SLC1A7: variants seen among roughly 807,000 people sequenced by gnomAD.
SLC1A7 encodes the protein excitatory amino acid transporter 5.
In SLC1A7, 40 loss-of-function variants were observed where a neutral mutation model predicts 47.7. The ratio of observed to expected loss-of-function variants is 0.84; its 90% CI spans 0.65 to 1.09. SLC1A7 has a LOEUF of 1.09. Among genes scored for constraint, SLC1A7 ranks in the 50% least tolerant of loss-of-function variants. SLC1A7 has a pLI of 0.00. For synonymous variants in SLC1A7, 323 were observed against 325.6 expected (o/e 0.99, Z 0.09); for missense variants, 746 against 769.5 (o/e 0.97, Z 0.36).
intron 3 of SLC1A7, among the ~76,000 whole-genome samples, chr1:53,107,324 T>C (rs1427997047): frequency 3.3e-5 from 5 of 152,012 alleles, no homozygotes; most frequent in African/African-American, 1.2e-4. Context: ...AAGCGCAACA[T>C]AGCATCCTGG....
chr1:53,115,203 C>T, intron 2 of SLC1A7: 1 of 585,016 alleles, frequency 1.7e-6, no homozygotes, highest in Non-Finnish European at 3.1e-6. Context: ...GACCTCTGCA[C>T]TGCTAGGCAG....
chr1:53,127,900 G>A (rs1038166840), intron 2 of SLC1A7, among the ~76,000 whole-genome samples: 2 of 152,200 alleles, frequency 1.3e-5, no homozygotes, highest in South Asian at 2.1e-4. Flanking sequence ...AGAGCCCAGC[G>A]GACACCTGGA....
In SLC1A7 at chr1:53,093,472, C is replaced by A; in HGVS notation, c.786G>T (p.Ala262=). 1.2e-6 allele frequency: 2 copies of A among 1,609,990 alleles called. No homozygotes were observed. Among genetic ancestry groups the A allele is most frequent in the South Asian group, 1.1e-5 (1 of 90,330 alleles). Residue 262 remains alanine (A), a synonymous_variant, in exon 6 of 11, where the codon GCG becomes GCT. Coordinates refer to ENST00000371494, the MANE Select transcript of SLC1A7 (RefSeq NM_006671.6). The part of the protein sequence containing the change: ...CLNESVMKIV[A]VAVWYFPFGI... The stretch of plus-strand genomic sequence containing the variant: ...ATGAGGAGGCTTACCACACAGCCAC[C>A]GCCACGATCTTCATGACCGACTCAT...
chr1:53,134,676 G>T (rs1644973432), intron 1 of SLC1A7, among the ~76,000 whole-genome samples: 1 of 152,074 alleles, frequency 6.6e-6, no homozygotes, highest in South Asian at 2.1e-4. Context: ...TCTGAGTTTT[G>T]TATTTTTCTC....
chr1:53,092,650 A>T lies in SLC1A7; in HGVS notation c.935T>A (p.Leu312Gln), dbSNP rs372771886. Residue 312 changes from leucine to glutamine, a missense_variant, in exon 7 of 11, where the codon CTG (leucine) becomes CAG (glutamine). By Grantham distance (113) the Leu-to-Gln change is moderately radical. Coordinates refer to ENST00000371494, the MANE Select transcript of SLC1A7 (RefSeq NM_006671.6). The stretch of plus-strand genomic sequence containing the variant: ...GGTGATGAAGAAGTAGAGCAGGGGC[A>T]GGATAAAGAGCCCGTGGAGCACCAG... ...CGLVLHGLFI[L>Q]PLLYFFITKK... 24 of 1,614,030 alleles carry T rather than the reference A, an allele frequency of 1.5e-5. No individual in the cohort carries two copies. The East Asian group carries it at 2.2e-4, about 15-fold the overall frequency.
intron 5 of SLC1A7, among the ~76,000 whole-genome samples, chr1:53,100,540 TTGG>T (rs1260366182): frequency 1.3e-5 from 2 of 151,266 alleles, no homozygotes; most frequent in East Asian, 3.9e-4. Context: ...ACACCCAACC[TTGG>T]TATACTCACA....
Sources: allele counts gnomAD v4.1 joint callset (sites outside exome capture counted in the v4.1 genomes callset), GRCh38; gene constraint gnomAD v4.1.1; transcripts MANE v1.5; gene names NCBI Gene and HGNC (gene_info 2026-07-23, HGNC 2026-07-21).